Variants in PDZD2 observed in about 807,000 individuals in gnomAD.
PDZD2 encodes the protein PDZ domain containing 2, also known as PDZ domain-containing protein 2.
In PDZD2, 90 loss-of-function variants were observed where a neutral mutation model predicts 220.7. That is an observed-to-expected ratio of 0.41 (90% CI 0.34 to 0.49). The LOEUF is 0.49. Ranked by LOEUF, PDZD2 falls within the 20% of genes least tolerant of loss-of-function variation. PDZD2 has a pLI of 0.28. For synonymous variants in PDZD2, 1,375 were observed against 1,450.5 expected, an observed-to-expected ratio of 0.95 and a Z score of 1.18; for missense variants, 3,174 against 3,608.5, an observed-to-expected ratio of 0.88 and a Z score of 3.08.
chr5:31,865,126 C>T (rs1294072564), intron 2 of PDZD2, among the ~76,000 whole-genome samples: 6 of 151,930 alleles, frequency 3.9e-5, no homozygotes, highest in African/African-American at 1.2e-4. Context: ...GGATTACAGG[C>T]GTGAACCATC....
Position 32,092,872 on chromosome 5 carries a change from C to T in PDZD2, c.7728-35C>T, listed in dbSNP as rs1165960252. ...TATAAAATGAAGAAATTGCTTTTTT[C>T]TTTAATGTTCTTCAAATATATTTAT... On this transcript the variant is annotated intron_variant, in intron 20 of 24. Transcript: ENST00000438447. 4 of 1,088,724 alleles carry T rather than the reference C, an allele frequency of 3.7e-6. No individual in the cohort carries two copies. In the Admixed American group the frequency reaches 6.4e-5, roughly 17 times the overall value. The allele number at this position is 1,088,724 out of a possible 1,614,324, so 67.4% of individuals were successfully genotyped here. A position where few individuals can be genotyped will look rare whatever the true frequency, so the allele number is the denominator to read the frequency against.
chr5:31,888,519 G>A (rs80272698), intron 2 of PDZD2, among the ~76,000 whole-genome samples: 8,477 of 152,228 alleles, frequency 0.056, 322 homozygotes, highest in Middle Eastern at 0.078. Context: ...AAAAGAAAAT[G>A]GGATTGGATT....
At chr5:31,800,677 C>G (rs967431260) in intron 2 of PDZD2, among the ~76,000 whole-genome samples, 16 of 152,206 alleles carry the variant, frequency 1.1e-4, no homozygotes, top group African/African-American at 3.6e-4. Context: ...CTCAATACCC[C>G]ACCCCTGGTG....
intron 6 of PDZD2, among the ~76,000 whole-genome samples, chr5:32,035,260 A>ATT (rs1348051858): frequency 6.8e-6 from 1 of 146,492 alleles, no homozygotes; most frequent in South Asian, 2.2e-4. Flanking sequence ...TATGTATTGA[A>ATT]TTTTTTTTTT....
At chr5:31,878,450 C>G (rs750157026) in intron 2 of PDZD2, among the ~76,000 whole-genome samples, 7 of 151,548 alleles carry the variant, frequency 4.6e-5, no homozygotes, top group South Asian at 2.1e-4. Flanking sequence ...ATAGCTTGCT[C>G]TGAAGTTTCT....
chr5:31,814,732 C>T (rs866797338), intron 2 of PDZD2, among the ~76,000 whole-genome samples: 18 of 151,836 alleles, frequency 1.2e-4, no homozygotes, highest in Admixed American at 2.6e-4. Flanking sequence ...GCACAAGAAT[C>T]GCTTGAACCT....
intron 2 of PDZD2, among the ~76,000 whole-genome samples, chr5:31,935,103 A>G (rs1264873474): frequency 1.3e-5 from 2 of 150,734 alleles, no homozygotes; most frequent in African/African-American, 2.4e-5. Context: ...AAAAAAAAGA[A>G]AGAAAATAGA....
At chr5:31,863,481 TTA>T (rs1737911217) in intron 2 of PDZD2, among the ~76,000 whole-genome samples, 1 of 152,208 alleles carries the variant, frequency 6.6e-6, no homozygotes, top group African/African-American at 2.4e-5. Context: ...AATCTAGAGA[TTA>T]TATACCTGTC....
At chr5:32,033,492 T>C (rs1466068114) in intron 6 of PDZD2, among the ~76,000 whole-genome samples, 2 of 152,140 alleles carry the variant, frequency 1.3e-5, no homozygotes, top group Non-Finnish European at 2.9e-5. Flanking sequence ...TTTCAGTGGG[T>C]TCTGAAATAA....
chr5:31,973,113 G>T (rs1322146868), intron 2 of PDZD2, among the ~76,000 whole-genome samples: 2 of 152,178 alleles, frequency 1.3e-5, no homozygotes, highest in African/African-American at 4.8e-5. Flanking sequence ...TATGGGTGCT[G>T]TAAAACGCTT....
At chr5:32,061,866 T>C (rs780468986) in intron 14 of PDZD2, among the ~76,000 whole-genome samples, 5 of 152,226 alleles carry the variant, frequency 3.3e-5, no homozygotes, top group Non-Finnish European at 7.3e-5. Context: ...TTGGGTAATA[T>C]ACTTAATTAA....
intron 2 of PDZD2, among the ~76,000 whole-genome samples, chr5:31,910,970 A>G (rs1743151329): frequency 6.6e-6 from 1 of 152,206 alleles, no homozygotes. Flanking sequence ...GTTCTGTTTA[A>G]GCATCTAAAA....
chr5:31,886,633 C>CCAGTGACTGTTACAGGTCTGTTA (rs147089826), intron 2 of PDZD2, among the ~76,000 whole-genome samples: 57,229 of 151,040 alleles, frequency 0.38, 12,525 homozygotes, highest in African/African-American at 0.61. Context: ...ATTGGAGGAC[C>CCAGTGACTGTTACAGGTCTGTTA]CAGTGACTGT....
At chr5:32,006,333 TTTCC>T (rs977462107) in intron 5 of PDZD2, among the ~76,000 whole-genome samples, 7 of 148,364 alleles carry the variant, frequency 4.7e-5, no homozygotes, top group Non-Finnish European at 8.9e-5. Context: ...TGTAAGAATC[TTTCC>T]ATGTTAGGAA....
intron 2 of PDZD2, among the ~76,000 whole-genome samples, chr5:31,904,446 A>G (rs1176280260): frequency 6.6e-6 from 1 of 152,244 alleles, no homozygotes; most frequent in Non-Finnish European, 1.5e-5. Context: ...TGAGAAAACA[A>G]TTAATATTGC....
In PDZD2 at chr5:32,059,368, G is replaced by T. The variant is rs763494922; in HGVS notation, c.2318+12G>T. ...GAGAGCAACCTGAGGTTTGTTGTTTGCCTGATAGTGTAAGGTTCTGGAGTG... is the reference window on the plus strand; with the variant it reads ...GAGAGCAACCTGAGGTTTGTTGTTTTCCTGATAGTGTAAGGTTCTGGAGTG... On this transcript the variant is annotated intron_variant, in intron 13 of 24. Coordinates refer to ENST00000438447, the MANE Select transcript of PDZD2 (RefSeq NM_178140.4). 3 of 1,336,440 alleles carry T rather than the reference G, an allele frequency of 2.2e-6. No homozygotes were observed. The highest frequency in any genetic ancestry group is 3.2e-6 in the Non-Finnish European group (3 of 926,572). 82.8% of individuals were successfully genotyped at this position (1,336,440 alleles called of 1,614,324 possible). A position where few individuals can be genotyped will look rare whatever the true frequency, so the allele number is the denominator to read the frequency against.
At chr5:31,901,099 CACATT>C (rs1206486601) in intron 2 of PDZD2, among the ~76,000 whole-genome samples, 1 of 152,094 alleles carries the variant, frequency 6.6e-6, no homozygotes, top group African/African-American at 2.4e-5. Flanking sequence ...ATTTTAAATA[CACATT>C]TAGGCTAACA....
rs5867108 is a variant in PDZD2 at position 31,837,016 on chromosome 5, AAAAGAAAGAAAGAAAGAAAG to A, written c.476+37312_476+37331del. 4.9e-4 allele frequency among the ~76,000 whole-genome samples: 72 copies of A among 146,680 alleles called. 1 individual carries two copies. The highest frequency in any genetic ancestry group is 6.1e-4 in the Non-Finnish European group (41 of 67,146). On this transcript the variant is annotated intron_variant, in intron 2 of 24. Coordinates refer to ENST00000438447, the MANE Select transcript of PDZD2 (RefSeq NM_178140.4). The stretch of plus-strand genomic sequence containing the variant: ...CTGGGCAACTGAGCGAGACTGTCTT[AAAAGAAAGAAAGAAAGAAAG>A]AAAGAAAGAAAGAAAGAAATTAAAA...
At chr5:31,722,929 C>T (rs1254131669) in intron 1 of PDZD2, among the ~76,000 whole-genome samples, 1 of 152,160 alleles carries the variant, frequency 6.6e-6, no homozygotes, top group East Asian at 1.9e-4. Context: ...CTCAGGTGAT[C>T]CACCCTCCTC....
Sources: allele counts gnomAD v4.1 joint callset (sites outside exome capture counted in the v4.1 genomes callset), GRCh38; gene constraint gnomAD v4.1.1; transcripts MANE v1.5; gene names NCBI Gene and HGNC (gene_info 2026-07-23, HGNC 2026-07-21).